The following NOTCH2NLA variants were observed in gnomAD, a reference collection of about 807,000 sequenced individuals.
NOTCH2NLA encodes the protein notch 2 N-terminal like A.
exon 1 of NOTCH2NLA, chr1:146,228,958 T>C: frequency 2.1e-6 from 3 of 1,434,458 alleles, no homozygotes; most frequent in Non-Finnish European, 2.7e-6. Context: ...GCGCCCCGAG[T>C]CCGCCGCTCC....
rs61815743 is a variant in NOTCH2NLA at position 146,186,440 on chromosome 1, C to T, written c.38+2860G>A. ...TGCAATCTTGGCTCACTGCAAGCTC[C>T]GCCTCCTGGGTTCAGGCCATTCTCC... On this transcript the variant is annotated intron_variant, in intron 2 of 4. Transcript: ENST00000362074. Among the ~76,000 whole-genome samples the T allele has an allele frequency of 4.4e-4, 63 of 144,610 alleles. 1 individual carries two copies. Among genetic ancestry groups the T allele is most frequent in the East Asian group, 2.0e-3 (10 of 5,046 alleles). The allele number at this position is 144,610 out of a possible 152,430, so 94.9% of individuals were successfully genotyped here.
rs2794102 is a variant in NOTCH2NLA, at chr1:146,186,871, T to A, written c.38+2429A>T. Among the ~76,000 whole-genome samples the A allele has an allele frequency of 7.0e-4, 95 of 135,886 alleles. 3 individuals carry two copies. Among genetic ancestry groups the A allele is most frequent in the African/African-American group, 2.0e-3 (82 of 40,256 alleles). The allele number at this position is 135,886 out of a possible 152,430, so 89.1% of individuals were successfully genotyped here. A position where few individuals can be genotyped will look rare whatever the true frequency, so the allele number is the denominator to read the frequency against. On this transcript the variant is annotated intron_variant, in intron 2 of 4. Coordinates refer to ENST00000362074, the Ensembl canonical transcript of NOTCH2NLA. ...TATGTGAAATAAATAAATTTTTTTT[T>A]AATTTTGCTTTTAAGTTTTGGGATA...
At position 146,200,758 on chromosome 1, in the gene NOTCH2NLA, T is replaced by C. The variant is rs1223963222; in HGVS notation, c.-44-11377A>G. Reference sequence around the variant, plus strand: ...TTCTGCAGAGTTGTAGCAGTCATTTTAATAAAAAAGCAGCTCAACACACTA... The same window carrying C: ...TTCTGCAGAGTTGTAGCAGTCATTTCAATAAAAAAGCAGCTCAACACACTA... On this transcript the variant is annotated intron_variant, in intron 1 of 4. Transcript: ENST00000362074. 3.2e-5 allele frequency among the ~76,000 whole-genome samples: 4 copies of C among 123,822 alleles called. 1 individual carries two copies. Among genetic ancestry groups the C allele is most frequent in the Non-Finnish European group, 7.0e-5 (4 of 56,856 alleles). 81.2% of individuals were successfully genotyped at this position (123,822 alleles called of 152,430 possible). A position where few individuals can be genotyped will look rare whatever the true frequency, so the allele number is the denominator to read the frequency against.
rs1377460162 is a variant in NOTCH2NLA, at chr1:146,219,806, A to AAAT, written c.-45+8902_-45+8903insATT. ...ATCTGTTCATAAACTAAAAAAAAAAAATATATATATATATATAAATAAATC... is the reference window on the plus strand; with the variant it reads ...ATCTGTTCATAAACTAAAAAAAAAAAAATATATATATATATATATAAATAAATC... On this transcript the variant is annotated intron_variant, in intron 1 of 4. Transcript: ENST00000362074. Among the ~76,000 whole-genome samples, 19 of 88,574 alleles carry AAAT rather than the reference A, an allele frequency of 2.1e-4. 5 individuals carry two copies. The highest frequency in any genetic ancestry group is 6.1e-4 in the African/African-American group (9 of 14,774). The allele number at this position is 88,574 out of a possible 152,430, so 58.1% of individuals were successfully genotyped here.
chr1:146,210,624 C>T (rs1431518657), intron 1 of NOTCH2NLA, among the ~76,000 whole-genome samples: 2 of 103,128 alleles, frequency 1.9e-5, no homozygotes, highest in South Asian at 2.8e-4. Flanking sequence ...CACACACACA[C>T]GCACACACAC....
chr1:146,172,602 C>T (rs1348045799), intron 2 of NOTCH2NLA, among the ~76,000 whole-genome samples: 2 of 151,372 alleles, frequency 1.3e-5, no homozygotes, highest in East Asian at 3.9e-4. Flanking sequence ...AACTTAGGTT[C>T]CTTTCTTCCA....
At chr1:146,171,275 T>TA (rs1187465812) in intron 2 of NOTCH2NLA, among the ~76,000 whole-genome samples, 4 of 128,330 alleles carry the variant, frequency 3.1e-5, no homozygotes, top group African/African-American at 1.0e-4. Flanking sequence ...ACTAAAAATA[T>TA]AAAAAATTAG....
chr1:146,159,080 G>A (rs587733983), intron 3 of NOTCH2NLA, among the ~76,000 whole-genome samples: 58 of 152,170 alleles, frequency 3.8e-4, no homozygotes, highest in Non-Finnish European at 7.5e-4. Flanking sequence ...TCCCCGGGCC[G>A]GAAGTGGTGG....
chr1:146,186,085 T>C (rs2746798), intron 2 of NOTCH2NLA, among the ~76,000 whole-genome samples: 21,607 of 133,436 alleles, frequency 0.16, 3,962 homozygotes, highest in African/African-American at 0.32. Flanking sequence ...TCTTGCTTTT[T>C]CTTTGTCCAC....
intron 1 of NOTCH2NLA, among the ~76,000 whole-genome samples, chr1:146,195,045 C>T (rs112935995): frequency 1.9e-5 from 2 of 107,502 alleles, no homozygotes; most frequent in Admixed American, 9.4e-5. Flanking sequence ...ACAGGGCCAC[C>T]CCCCCCCATC....
intron 2 of NOTCH2NLA, among the ~76,000 whole-genome samples, chr1:146,171,008 C>G: frequency 7.2e-6 from 1 of 138,968 alleles, no homozygotes; most frequent in Admixed American, 7.5e-5. Context: ...AACATATTTT[C>G]TAAGTACTTA....
chr1:146,186,774 TAA>T (rs1662787412), intron 2 of NOTCH2NLA, among the ~76,000 whole-genome samples: 1 of 132,530 alleles, frequency 7.5e-6, no homozygotes, highest in African/African-American at 2.5e-5. Flanking sequence ...TCTCCATATA[TAA>T]GTCACCAAGT....
At chr1:146,228,849 C>T (rs1664360914) in exon 1 of NOTCH2NLA, 1 of 1,492,754 alleles carries the variant, frequency 6.7e-7, no homozygotes, top group Non-Finnish European at 8.8e-7. Flanking sequence ...GGAGGGGGTC[C>T]CGATAGAGGA....
rs1282403302 is a variant in NOTCH2NLA, at chr1:146,200,647, CCTCCAA to C, written c.-44-11272_-44-11267del. Among the ~76,000 whole-genome samples the C allele has an allele frequency of 3.3e-5, 4 of 122,966 alleles. 1 individual carries two copies. The highest frequency in any genetic ancestry group is 1.3e-4 in the African/African-American group (4 of 31,118). 80.7% of individuals were successfully genotyped at this position (122,966 alleles called of 152,430 possible). On this transcript the variant is annotated intron_variant, in intron 1 of 4. Coordinates refer to ENST00000362074, the Ensembl canonical transcript of NOTCH2NLA. ...ATCAGTTCCTCTTAAAAACGCCAGT[CCTCCAA>C]CTCCATCAGCGTTTTGATTACTCAT...
chr1:146,228,361 G>A (rs587681971), intron 1 of NOTCH2NLA: 2 of 981,754 alleles, frequency 2.0e-6, no homozygotes, highest in African/African-American at 1.8e-5. Context: ...CGCGGAACCT[G>A]AAGGGCAAAA....
intron 4 of NOTCH2NLA, among the ~76,000 whole-genome samples, chr1:146,150,085 CTCA>C (rs1343542606): frequency 6.9e-6 from 1 of 144,824 alleles, no homozygotes; most frequent in Non-Finnish European, 1.5e-5. Flanking sequence ...CTTTGAAAAC[CTCA>C]TGCTAAGTGA....
At chr1:146,173,815 C>CA (rs71272964) in intron 2 of NOTCH2NLA, among the ~76,000 whole-genome samples, 9 of 20,046 alleles carry the variant, frequency 4.5e-4, no homozygotes, top group African/African-American at 1.1e-3. Context: ...AACCCCATCT[C>CA]AAAAAAAAAA....
intron 3 of NOTCH2NLA, among the ~76,000 whole-genome samples, chr1:146,158,125 CTTA>C (rs1431147485): frequency 5.3e-5 from 8 of 151,802 alleles, no homozygotes; most frequent in African/African-American, 1.9e-4. Flanking sequence ...GTCTAAGTCG[CTTA>C]TTATTTAAAC....
At chr1:146,159,391 G>GAA (rs2102272240) in intron 3 of NOTCH2NLA, among the ~76,000 whole-genome samples, 3 of 135,038 alleles carry the variant, frequency 2.2e-5, no homozygotes, top group African/African-American at 5.6e-5. Flanking sequence ...GAGAGAAAGA[G>GAA]AGAGAAAGAA....
Sources: gnomAD v4.1 joint callset for allele counts (sites outside exome capture counted in the v4.1 genomes callset) on GRCh38, gnomAD v4.1.1 for gene constraint, MANE v1.5 for transcripts, NCBI Gene and HGNC (gene_info 2026-07-23, HGNC 2026-07-21) for gene names.